AGMO: variants seen among roughly 807,000 people sequenced by gnomAD.
The protein encoded by AGMO is alkylglycerol monooxygenase, also known as glyceryl-ether monooxygenase.
In AGMO, 75 loss-of-function variants were observed where a neutral mutation model predicts 60.2. That is an observed-to-expected ratio of 1.25 (90% confidence interval 1.03 to 1.51). The LOEUF is 1.51. Among genes scored for constraint, AGMO ranks in the 40% most tolerant of loss-of-function variants. The pLI is 0.00. For synonymous variants in AGMO, 261 were observed against 177.1 expected, an observed-to-expected ratio of 1.47 and a Z score of -3.76; for missense variants, 763 against 525.5, an observed-to-expected ratio of 1.45 and a Z score of -4.42.
intron 3 of AGMO, among the ~76,000 whole-genome samples, chr7:15,495,035 AG>A (rs1418089033): frequency 6.6e-6 from 1 of 152,252 alleles, no homozygotes. Context: ...CTAAGACCTA[AG>A]GAATTTTACC....
chr7:15,340,608 G>T (rs977163441), intron 12 of AGMO, among the ~76,000 whole-genome samples: 3 of 152,162 alleles, frequency 2.0e-5, no homozygotes, highest in Admixed American at 2.0e-4. Flanking sequence ...CTCAGGCAAT[G>T]GCTTCAGAGG....
intron 3 of AGMO, among the ~76,000 whole-genome samples, chr7:15,510,961 T>C (rs1012564944): frequency 5.3e-5 from 8 of 150,830 alleles, no homozygotes; most frequent in Non-Finnish European, 1.0e-4. Flanking sequence ...AACAAGTTCC[T>C]ATGGCTTATT....
chr7:15,341,945 C>G (rs997522186), intron 12 of AGMO, among the ~76,000 whole-genome samples: 2 of 151,860 alleles, frequency 1.3e-5, no homozygotes, highest in Admixed American at 1.3e-4. Flanking sequence ...TTATCTCTCA[C>G]CGAGTCCCTC....
intron 10 of AGMO, among the ~76,000 whole-genome samples, chr7:15,381,733 G>T (rs1783698543): frequency 6.6e-6 from 1 of 152,132 alleles, no homozygotes; most frequent in Admixed American, 6.5e-5. Context: ...TATGTTCACT[G>T]AAACACTATT....
chr7:15,550,581 T>C lies in AGMO; in HGVS notation c.258-5658A>G, dbSNP rs1407128356. 3.3e-3 allele frequency among the ~76,000 whole-genome samples: 494 copies of C among 151,646 alleles called. 3 individuals are homozygous for C. Among genetic ancestry groups the C allele is most frequent in the African/African-American group, 0.011 (464 of 41,318 alleles). On this transcript the variant is annotated intron_variant, in intron 2 of 12. Transcript: ENST00000342526. ...AGAAAATCTAGAAGAAATGGATAAA[T>C]TCCTTGACACATACACTCTCCCAAG...
At chr7:15,336,002 C>A (rs146442198) in intron 12 of AGMO, among the ~76,000 whole-genome samples, 2 of 152,192 alleles carry the variant, frequency 1.3e-5, no homozygotes, top group Non-Finnish European at 2.9e-5. Context: ...AAGATCTACT[C>A]CAAAACACAT....
intron 3 of AGMO, among the ~76,000 whole-genome samples, chr7:15,494,651 G>A (rs1400006234): frequency 1.3e-5 from 2 of 152,128 alleles, no homozygotes; most frequent in African/African-American, 2.4e-5. Context: ...CTTTTTCCTC[G>A]TCCATTTGAT....
intron 3 of AGMO, among the ~76,000 whole-genome samples, chr7:15,469,267 C>A (rs995656058): frequency 6.6e-6 from 1 of 151,790 alleles, no homozygotes; most frequent in Admixed American, 6.6e-5. Context: ...GAACATGGAC[C>A]GTCTCATAAA....
chr7:15,373,552 G>A lies in AGMO; in HGVS notation c.1075-7330C>T, dbSNP rs151214171. On this transcript the variant is annotated intron_variant, in intron 10 of 12. Coordinates refer to ENST00000342526, the MANE Select transcript of AGMO (RefSeq NM_001004320.2). Reference sequence around the variant, plus strand: ...AGAAGAAAGCCCTTTTCTTCTTGAAGAGGACTATCACTGTCTTACTCTTGC... The same window carrying A: ...AGAAGAAAGCCCTTTTCTTCTTGAAAAGGACTATCACTGTCTTACTCTTGC... 3.9e-3 allele frequency among the ~76,000 whole-genome samples: 601 copies of A among 152,188 alleles called. 4 individuals are homozygous for A. Among genetic ancestry groups the A allele is most frequent in the Middle Eastern group, 0.017 (5 of 292 alleles).
At chr7:15,324,076 A>T (rs1221588705) in intron 12 of AGMO, among the ~76,000 whole-genome samples, 1 of 152,210 alleles carries the variant, frequency 6.6e-6, no homozygotes, top group Non-Finnish European at 1.5e-5. Flanking sequence ...TGTATTAGAG[A>T]TACAAGCGTA....
At chr7:15,154,890 G>C in the AGMO span, among the ~76,000 whole-genome samples, 2 of 152,170 alleles carry the variant, frequency 1.3e-5, no homozygotes, top group South Asian at 2.1e-4. Flanking sequence ...TTCTTGGTTG[G>C]AATTTCTTTT....
intron 12 of AGMO, among the ~76,000 whole-genome samples, chr7:15,359,002 C>T (rs972836243): frequency 1.3e-5 from 2 of 152,036 alleles, no homozygotes; most frequent in Non-Finnish European, 2.9e-5. Flanking sequence ...ATTTTATTTT[C>T]AGATATGGAG....
chr7:15,473,791 T>C (rs1782518806), intron 3 of AGMO, among the ~76,000 whole-genome samples: 1 of 152,088 alleles, frequency 6.6e-6, no homozygotes, highest in South Asian at 2.1e-4. Flanking sequence ...ATGACATGAT[T>C]GTAAATTTAG....
the AGMO span, among the ~76,000 whole-genome samples, chr7:15,160,806 A>G: frequency 6.6e-6 from 1 of 152,100 alleles, no homozygotes; most frequent in Non-Finnish European, 1.5e-5. Flanking sequence ...TATTTTTTAG[A>G]TGAGATTTAT....
At chr7:15,531,476 C>CTATATATATAT (rs1562557398) in intron 3 of AGMO, among the ~76,000 whole-genome samples, 12 of 31,174 alleles carry the variant, frequency 3.8e-4, no homozygotes, top group Admixed American at 6.3e-4. Flanking sequence ...TATATATATT[C>CTATATATATAT]TCTATATATA....
At chr7:15,369,121 A>G (rs922943697) in intron 10 of AGMO, among the ~76,000 whole-genome samples, 1 of 152,114 alleles carries the variant, frequency 6.6e-6, no homozygotes, top group Non-Finnish European at 1.5e-5. Flanking sequence ...ATATATTTAA[A>G]ATATATCCAG....
chr7:15,479,403 G>A (rs1782688851), intron 3 of AGMO, among the ~76,000 whole-genome samples: 1 of 152,250 alleles, frequency 6.6e-6, no homozygotes, highest in South Asian at 2.1e-4. Context: ...AAGAAAATAA[G>A]TTTCTGAAGG....
intron 3 of AGMO, 118 bp downstream of exon 3, chr7:15,544,654 C>G: frequency 1.1e-6 from 1 of 876,288 alleles, no homozygotes; most frequent in Non-Finnish European, 1.6e-6. Flanking sequence ...TTTTTATATC[C>G]GTAAAATATA....
intron 12 of AGMO, among the ~76,000 whole-genome samples, chr7:15,343,734 G>A (rs751606139): frequency 6.6e-6 from 1 of 152,044 alleles, no homozygotes; most frequent in Non-Finnish European, 1.5e-5. Flanking sequence ...TTAACCACAA[G>A]CCTCTAATAA....
Sources: gnomAD v4.1 joint callset for allele counts (sites outside exome capture counted in the v4.1 genomes callset) on GRCh38, gnomAD v4.1.1 for gene constraint, MANE v1.5 for transcripts, NCBI Gene and HGNC (gene_info 2026-07-23, HGNC 2026-07-21) for gene names.